CTNND2: variants seen among roughly 807,000 people sequenced by gnomAD.
CTNND2 encodes catenin delta-2.
CTNND2 carries 22 observed loss-of-function variants against 144.4 expected under a neutral mutation model. The ratio of observed to expected loss-of-function variants is 0.15; its 90% CI spans 0.11 to 0.22. The LOEUF (loss-of-function observed/expected upper bound fraction) is 0.22. Ranked by LOEUF, CTNND2 falls within the 10% of genes least tolerant of loss-of-function variation. The probability of loss-of-function intolerance (pLI) is 1.00; values close to 1 mark genes in which losing one functional copy is unlikely to be tolerated. For missense variants in CTNND2, 1,353 were observed against 1,618.8 expected (o/e 0.84, Z 2.82); for synonymous variants, 751 against 695.6 (o/e 1.08, Z -1.25).
intron 6 of CTNND2, among the ~76,000 whole-genome samples, chr5:11,393,896 A>G (rs1759843857): frequency 6.6e-6 from 1 of 151,994 alleles, no homozygotes; most frequent in South Asian, 2.1e-4. Flanking sequence ...CACTCCCAGT[A>G]AAAAAAGGAA....
At chr5:11,182,135 T>G (rs1735123256) in intron 11 of CTNND2, among the ~76,000 whole-genome samples, 2 of 125,088 alleles carry the variant, frequency 1.6e-5, no homozygotes, top group African/African-American at 3.1e-5. Flanking sequence ...GTGGATGGGG[T>G]GTGTGTGTGT....
At position 11,474,658 on chromosome 5, in the gene CTNND2, C is replaced by A. The variant is rs58104984; in HGVS notation, c.288-62589G>T. 5.7e-3 allele frequency among the ~76,000 whole-genome samples: 861 copies of A among 152,250 alleles called. 8 individuals are homozygous for A. Among genetic ancestry groups the A allele is most frequent in the African/African-American group, 0.015 (610 of 41,554 alleles). On this transcript the variant is annotated intron_variant, in intron 3 of 21. Transcript: ENST00000304623. ...AACAGCCATGGTTTTCCTTGAAGCA[C>A]CATTGTGAATACTGGATAGGAAAAA...
At chr5:11,021,338 C>A (rs1742229446) in intron 17 of CTNND2, among the ~76,000 whole-genome samples, 1 of 152,064 alleles carries the variant, frequency 6.6e-6, no homozygotes, top group African/African-American at 2.4e-5. Context: ...GATTGTTTTG[C>A]AGACTACGGT....
intron 9 of CTNND2, among the ~76,000 whole-genome samples, chr5:11,303,187 C>T (rs1282713752): frequency 6.6e-6 from 1 of 152,230 alleles, no homozygotes; most frequent in Non-Finnish European, 1.5e-5. Flanking sequence ...CTCGAAAATA[C>T]AGCTAAACTG....
intron 1 of CTNND2, among the ~76,000 whole-genome samples, chr5:11,765,132 C>A (rs995289176): frequency 6.9e-6 from 1 of 144,842 alleles, no homozygotes; most frequent in African/African-American, 2.6e-5. Context: ...CAATTTAATG[C>A]AGACAAGCAA....
chr5:11,879,378 C>CTGT (rs1735858360), intron 1 of CTNND2, among the ~76,000 whole-genome samples: 7 of 84,408 alleles, frequency 8.3e-5, no homozygotes, highest in Non-Finnish European at 1.4e-4. Context: ...CACACACAAA[C>CTGT]ATATACATAC....
intron 1 of CTNND2, among the ~76,000 whole-genome samples, chr5:11,808,779 C>G (rs1462913168): frequency 1.3e-5 from 2 of 152,172 alleles, no homozygotes; most frequent in African/African-American, 2.4e-5. Context: ...CCTGTTTGTT[C>G]AGGACCCTAC....
At chr5:11,100,330 G>A (rs911128518) in intron 14 of CTNND2, among the ~76,000 whole-genome samples, 1 of 152,106 alleles carries the variant, frequency 6.6e-6, no homozygotes, top group African/African-American at 2.4e-5. Context: ...CACTCAGTGT[G>A]GGAAGCTTCC....
chr5:11,503,660 T>C (rs1382673875), intron 3 of CTNND2, among the ~76,000 whole-genome samples: 3 of 152,206 alleles, frequency 2.0e-5, no homozygotes, highest in Non-Finnish European at 4.4e-5. Context: ...GGTGCAAACA[T>C]ACCACACATT....
In CTNND2 at chr5:11,846,182, A is replaced by G. The variant is rs796365834; in HGVS notation, c.37+57635T>C. Among the ~76,000 whole-genome samples, 7 of 152,308 alleles carry G rather than the reference A, an allele frequency of 4.6e-5. No individual in the cohort carries two copies. The South Asian group carries it at 1.4e-3, about 32-fold the overall frequency. On this transcript the variant is annotated intron_variant, in intron 1 of 21. Coordinates refer to ENST00000304623, the MANE Select transcript of CTNND2 (RefSeq NM_001332.4). ...CTATTTCTATTTGGACAATTTTGTC[A>G]TTGTTTTATTAAGTGAATGTCAGTC...
chr5:11,900,056 T>C (rs1208285962), intron 1 of CTNND2, among the ~76,000 whole-genome samples: 1 of 152,226 alleles, frequency 6.6e-6, no homozygotes, highest in African/African-American at 2.4e-5. Context: ...AATATTGTAA[T>C]ATATAATATA....
chr5:11,689,321 G>A (rs1036436371), intron 2 of CTNND2, among the ~76,000 whole-genome samples: 1 of 152,174 alleles, frequency 6.6e-6, no homozygotes, highest in Non-Finnish European at 1.5e-5. Flanking sequence ...ATGTGGTAGA[G>A]TATTAAAAAT....
intron 2 of CTNND2, among the ~76,000 whole-genome samples, chr5:11,566,772 C>T (rs915034812): frequency 6.6e-6 from 1 of 152,194 alleles, no homozygotes. Flanking sequence ...CAGGTGGTGA[C>T]TTCTCCATGG....
chr5:10,983,208 C>A (rs1228659361), intron 20 of CTNND2, among the ~76,000 whole-genome samples: 5 of 152,118 alleles, frequency 3.3e-5, no homozygotes, highest in Non-Finnish European at 7.4e-5. Context: ...TATCTCATTA[C>A]CCTTATTTGA....
At chr5:11,808,812 C>A (rs1792151817) in intron 1 of CTNND2, among the ~76,000 whole-genome samples, 1 of 152,116 alleles carries the variant, frequency 6.6e-6, no homozygotes. Context: ...AAAAACAACA[C>A]AGTGATTAAA....
At chr5:11,186,942 C>T (rs1189918290) in intron 11 of CTNND2, among the ~76,000 whole-genome samples, 2 of 152,168 alleles carry the variant, frequency 1.3e-5, no homozygotes, top group Non-Finnish European at 2.9e-5. Context: ...CAATGATAGA[C>T]TGGACGGTAC....
intron 1 of CTNND2, among the ~76,000 whole-genome samples, chr5:11,785,587 A>G (rs1175788650): frequency 3.3e-5 from 5 of 152,192 alleles, no homozygotes; most frequent in African/African-American, 1.2e-4. Flanking sequence ...AACATATGTT[A>G]ATGTGGGAAA....
intron 10 of CTNND2, among the ~76,000 whole-genome samples, chr5:11,233,081 G>C (rs558533361): frequency 6.6e-6 from 1 of 152,078 alleles, no homozygotes; most frequent in Non-Finnish European, 1.5e-5. Flanking sequence ...ATGCAGAACC[G>C]TGAGTCCATT....
At chr5:11,424,871 C>T (rs955328496) in intron 3 of CTNND2, among the ~76,000 whole-genome samples, 1 of 151,906 alleles carries the variant, frequency 6.6e-6, no homozygotes, top group Non-Finnish European at 1.5e-5. Context: ...AAAAAGAAAC[C>T]ATTGTTGACT....
Sources: gnomAD v4.1 joint callset for allele counts (sites outside exome capture counted in the v4.1 genomes callset) on GRCh38, gnomAD v4.1.1 for gene constraint, MANE v1.5 for transcripts, NCBI Gene and HGNC (gene_info 2026-07-23, HGNC 2026-07-21) for gene names.